POFUT3: variants seen among roughly 807,000 people sequenced by gnomAD.
POFUT3 encodes the protein protein O-fucosyltransferase 3.
chr8:33,463,554 T>C, the POFUT3 span, among the ~76,000 whole-genome samples: 1 of 151,116 alleles, frequency 6.6e-6, no homozygotes, highest in African/African-American at 2.4e-5. Context: ...CTTGATTTAC[T>C]TTTTTTTTGA....
chr8:33,386,412 A>G, the POFUT3 span, among the ~76,000 whole-genome samples: 1 of 152,130 alleles, frequency 6.6e-6, no homozygotes, highest in Non-Finnish European at 1.5e-5. Flanking sequence ...CAATGAGTCC[A>G]GAGAGAAGGA....
At chr8:33,363,235 C>A in the POFUT3 span, among the ~76,000 whole-genome samples, 1 of 152,156 alleles carries the variant, frequency 6.6e-6, no homozygotes, top group Non-Finnish European at 1.5e-5. Context: ...AACAAAGACA[C>A]AACGTACCAG....
At chr8:33,342,432 A>T in the POFUT3 span, among the ~76,000 whole-genome samples, 3 of 151,932 alleles carry the variant, frequency 2.0e-5, no homozygotes, top group African/African-American at 7.3e-5. Flanking sequence ...AAGGACTAGT[A>T]TTAGAATATA....
the POFUT3 span, among the ~76,000 whole-genome samples, chr8:33,417,475 G>A: frequency 6.6e-6 from 1 of 152,146 alleles, no homozygotes; most frequent in Non-Finnish European, 1.5e-5. Context: ...GTTGGGCACT[G>A]CTGAATTAGA....
At chr8:33,428,526 G>A in the POFUT3 span, among the ~76,000 whole-genome samples, 1 of 152,116 alleles carries the variant, frequency 6.6e-6, no homozygotes, top group African/African-American at 2.4e-5. Context: ...CAAGGGAGAT[G>A]GTAACCTATT....
At chr8:33,364,170 C>T in the POFUT3 span, among the ~76,000 whole-genome samples, 1 of 151,584 alleles carries the variant, frequency 6.6e-6, no homozygotes, top group Non-Finnish European at 1.5e-5. Context: ...CGACAAAAAA[C>T]CACATGATTA....
At chr8:33,383,733 A>G in the POFUT3 span, among the ~76,000 whole-genome samples, 2 of 152,122 alleles carry the variant, frequency 1.3e-5, no homozygotes, top group Non-Finnish European at 2.9e-5. Flanking sequence ...CAAGAGGCAG[A>G]GGTTGCAGTG....
the POFUT3 span, chr8:33,389,405 T>C: frequency 8.1e-6 from 13 of 1,614,200 alleles, 1 homozygote; most frequent in South Asian, 1.4e-4. Context: ...GGCTGGATTT[T>C]TCAGCTGCTG....
At chr8:33,370,623 T>C in the POFUT3 span, among the ~76,000 whole-genome samples, 1 of 152,244 alleles carries the variant, frequency 6.6e-6, no homozygotes, top group Non-Finnish European at 1.5e-5. Context: ...GGATTTTATC[T>C]ATGGACTTGA....
the POFUT3 span, among the ~76,000 whole-genome samples, chr8:33,461,187 AAGGAAGGGAGGGAGGGAGGGAGGG>A: frequency 0.63 from 71,422 of 114,180 alleles, 22,051 homozygotes; most frequent in African/African-American, 0.65. Context: ...GGAAGGAAGG[AAGGAAGGGAGGGAGGGAGGGAGGG>A]AGGGAGGGAG....
At chr8:33,349,637 T>C in the POFUT3 span, among the ~76,000 whole-genome samples, 16 of 152,344 alleles carry the variant, frequency 1.1e-4, no homozygotes, top group South Asian at 3.3e-3. Flanking sequence ...GGCTGAGTAG[T>C]AGTCCATGGT....
chr8:33,458,220 C>A, the POFUT3 span, among the ~76,000 whole-genome samples: 1 of 152,034 alleles, frequency 6.6e-6, no homozygotes, highest in East Asian at 1.9e-4. Flanking sequence ...AGAAAGAACC[C>A]TGCTGACACC....
At chr8:33,447,773 T>A in the POFUT3 span, among the ~76,000 whole-genome samples, 3 of 152,334 alleles carry the variant, frequency 2.0e-5, no homozygotes, top group African/African-American at 7.2e-5. Context: ...GTTTCCTTTA[T>A]CCTTAATTAG....
At chr8:33,451,556 A>G in the POFUT3 span, among the ~76,000 whole-genome samples, 1 of 151,802 alleles carries the variant, frequency 6.6e-6, no homozygotes, top group Non-Finnish European at 1.5e-5. Context: ...ATAAATGTGT[A>G]TGTATGTGTA....
the POFUT3 span, among the ~76,000 whole-genome samples, chr8:33,364,160 C>T: frequency 4.8e-3 from 735 of 152,116 alleles, 8 homozygotes; most frequent in South Asian, 0.043. Context: ...ATAGAACCAA[C>T]GACAAAAAAC....
At chr8:33,315,839 G>C in the POFUT3 span, among the ~76,000 whole-genome samples, 2 of 152,042 alleles carry the variant, frequency 1.3e-5, no homozygotes, top group Non-Finnish European at 2.9e-5. Flanking sequence ...TCTTCCCTTT[G>C]ATACTGCCTT....
chr8:33,440,081 G>C, the POFUT3 span, among the ~76,000 whole-genome samples: 1 of 150,332 alleles, frequency 6.7e-6, no homozygotes, highest in Non-Finnish European at 1.5e-5. Context: ...GTCAAAATGC[G>C]ACAGAACCTG....
the POFUT3 span, among the ~76,000 whole-genome samples, chr8:33,417,570 C>A: frequency 0.012 from 1,848 of 151,496 alleles, 36 homozygotes; most frequent in African/African-American, 0.042. Context: ...CGTAAAGCAG[C>A]AAAAAATAAA....
chr8:33,319,390 T>TTTTATACATA, the POFUT3 span, among the ~76,000 whole-genome samples: 1 of 28 alleles, frequency 0.036, no homozygotes, highest in Non-Finnish European at 0.5. Context: ...TAGAAATATA[T>TTTTATACATA]TTTTATATAT....
Sources: gnomAD v4.1 joint callset for allele counts (sites outside exome capture counted in the v4.1 genomes callset) on GRCh38, gnomAD v4.1.1 for gene constraint, MANE v1.5 for transcripts, NCBI Gene and HGNC (gene_info 2026-07-23, HGNC 2026-07-21) for gene names.